PRDM2: variants seen among roughly 807,000 people sequenced by gnomAD.
PRDM2 encodes PR/SET domain 2.
PRDM2 carries 30 observed loss-of-function variants against 130.0 expected under a neutral mutation model. That is an observed-to-expected ratio of 0.23 (90% CI 0.17 to 0.31). PRDM2 has a LOEUF of 0.31. Among genes scored for constraint, PRDM2 ranks in the 10% least tolerant of loss-of-function variants. The pLI is 1.00. For synonymous variants in PRDM2, 871 were observed against 782.4 expected, an observed-to-expected ratio of 1.11 and a Z score of -1.89; for missense variants, 2,011 against 2,108.4, an observed-to-expected ratio of 0.95 and a Z score of 0.90.
At chr1:13,785,698 G>A (rs974323267) in intron 8 of PRDM2, among the ~76,000 whole-genome samples, 1 of 131,280 alleles carries the variant, frequency 7.6e-6, no homozygotes, top group African/African-American at 3.0e-5. Flanking sequence ...GCTTTCTGGA[G>A]TGCTGAGTTT....
chr1:13,704,343 A>G (rs535159930), intron 1 of PRDM2, among the ~76,000 whole-genome samples: 4 of 151,964 alleles, frequency 2.6e-5, no homozygotes, highest in African/African-American at 9.7e-5. Context: ...TTGGAATGAA[A>G]TATGCTTACA....
intron 9 of PRDM2, among the ~76,000 whole-genome samples, chr1:13,821,163 T>TTAATAATAATAATAA (rs113961715): frequency 6.6e-6 from 1 of 151,854 alleles, no homozygotes; most frequent in African/African-American, 2.4e-5. Flanking sequence ...GCGAAATGGG[T>TTAATAATAATAATAA]TAATAATAAT....
At chr1:13,708,413 C>A (rs2495058) in intron 1 of PRDM2, among the ~76,000 whole-genome samples, 5,364 of 152,280 alleles carry the variant, frequency 0.035, 159 homozygotes, top group African/African-American at 0.068. Flanking sequence ...GAATCAGTCT[C>A]ATTTTCTCAC....
intron 6 of PRDM2, among the ~76,000 whole-genome samples, chr1:13,756,106 C>CA (rs1643945002): frequency 1.4e-5 from 2 of 146,994 alleles, no homozygotes; most frequent in African/African-American, 2.5e-5. Flanking sequence ...AAAAAAAATA[C>CA]AAAAAAATTA....
chr1:13,707,046 C>G (rs1469601307), intron 1 of PRDM2, among the ~76,000 whole-genome samples: 1 of 151,834 alleles, frequency 6.6e-6, no homozygotes. Context: ...TGCCTGACAC[C>G]GTAGCAAAAG....
intron 8 of PRDM2, among the ~76,000 whole-genome samples, chr1:13,810,804 G>A (rs1645161223): frequency 6.6e-6 from 1 of 152,088 alleles, no homozygotes; most frequent in South Asian, 2.1e-4. Context: ...GAAAGCTTGA[G>A]TTCTGTGTGA....
intron 8 of PRDM2, among the ~76,000 whole-genome samples, chr1:13,812,686 G>C (rs1342733331): frequency 1.3e-5 from 2 of 152,186 alleles, no homozygotes; most frequent in Non-Finnish European, 2.9e-5. Context: ...TGAGCCAAAA[G>C]TCTGACCGAA....
At chr1:13,745,989 A>G (rs922732302) in intron 5 of PRDM2, among the ~76,000 whole-genome samples, 1 of 152,096 alleles carries the variant, frequency 6.6e-6, no homozygotes, top group Non-Finnish European at 1.5e-5. Context: ...TAATTTTCTA[A>G]TATTTCTGAC....
At chr1:13,783,458 G>A (rs1276020855) in intron 8 of PRDM2, among the ~76,000 whole-genome samples, 1 of 152,236 alleles carries the variant, frequency 6.6e-6, no homozygotes, top group African/African-American at 2.4e-5. Context: ...GAGCAGGAGA[G>A]ACATGCTTGG....
At chr1:13,812,277 ACCTGGAG>A (rs1330229440) in intron 8 of PRDM2, among the ~76,000 whole-genome samples, 5 of 151,936 alleles carry the variant, frequency 3.3e-5, no homozygotes, top group African/African-American at 7.3e-5. Flanking sequence ...AGGTGTGTGG[ACCTGGAG>A]GCAGAATTAA....
intron 2 of PRDM2, among the ~76,000 whole-genome samples, chr1:13,726,383 C>T (rs1223086277): frequency 6.6e-6 from 1 of 152,214 alleles, no homozygotes; most frequent in Non-Finnish European, 1.5e-5. Context: ...AAGGTCAAAA[C>T]TCGTGAATCA....
intron 4 of PRDM2, 30 bp downstream of exon 4, chr1:13,732,912 C>A: frequency 1.4e-6 from 2 of 1,380,904 alleles, no homozygotes; most frequent in Non-Finnish European, 2.0e-6. Flanking sequence ...CTTTGTTTTT[C>A]AGAGTTTTAT....
chr1:13,794,876 G>T (rs1484033823), intron 8 of PRDM2, among the ~76,000 whole-genome samples: 1 of 152,242 alleles, frequency 6.6e-6, no homozygotes, highest in Non-Finnish European at 1.5e-5. Flanking sequence ...CAAGTGGCCT[G>T]TAACTCCTGG....
At chr1:13,815,454 A>T (rs2100765702) in intron 8 of PRDM2, among the ~76,000 whole-genome samples, 1 of 152,274 alleles carries the variant, frequency 6.6e-6, no homozygotes, top group African/African-American at 2.4e-5. Context: ...TGCAACAATG[A>T]ACAGGACAAA....
intron 5 of PRDM2, among the ~76,000 whole-genome samples, chr1:13,745,996 T>G (rs1643592794): frequency 6.6e-6 from 1 of 152,226 alleles, no homozygotes; most frequent in Non-Finnish European, 1.5e-5. Context: ...CTAATATTTC[T>G]GACACATTTT....
chr1:13,773,025 A>G, intron 6 of PRDM2, 53 bp from the exon 7 acceptor site: 1 of 1,036,326 alleles, frequency 9.6e-7, no homozygotes, highest in Non-Finnish European at 1.4e-6. Context: ...GAATGAATGA[A>G]TGAATAAATA....
At chr1:13,809,897 G>C (rs1167857250) in intron 8 of PRDM2, among the ~76,000 whole-genome samples, 1 of 152,154 alleles carries the variant, frequency 6.6e-6, no homozygotes, top group Non-Finnish European at 1.5e-5. Flanking sequence ...CAAGATTAGG[G>C]TACCAGCATG....
At chr1:13,750,531 T>C (rs1301024338) in intron 6 of PRDM2, among the ~76,000 whole-genome samples, 1 of 152,166 alleles carries the variant, frequency 6.6e-6, no homozygotes, top group East Asian at 1.9e-4. Flanking sequence ...TATCGTAAAC[T>C]CGATTTGGGA....
chr1:13,764,244 G>T (rs1442249213), intron 6 of PRDM2, among the ~76,000 whole-genome samples: 1 of 152,002 alleles, frequency 6.6e-6, no homozygotes, highest in East Asian at 1.9e-4. Flanking sequence ...AGCCACGGGG[G>T]GCTGAGTCCA....
Sources: gnomAD v4.1 joint callset for allele counts (sites outside exome capture counted in the v4.1 genomes callset) on GRCh38, gnomAD v4.1.1 for gene constraint, MANE v1.5 for transcripts, NCBI Gene and HGNC (gene_info 2026-07-23, HGNC 2026-07-21) for gene names.